The following PLPPR1 variants were observed in gnomAD, a reference collection of about 807,000 sequenced individuals.
The protein encoded by PLPPR1 is phospholipid phosphatase related 1.
A neutral mutation model predicts 33.1 loss-of-function variants in PLPPR1; 10 were observed. That is an observed-to-expected ratio of 0.30 (90% CI 0.19 to 0.51). The LOEUF is 0.51. PLPPR1 is among the 20% of genes least tolerant of loss of function. The probability of loss-of-function intolerance (pLI) is 0.97; values close to 1 mark genes in which losing one functional copy is unlikely to be tolerated. For missense variants in PLPPR1, 304 were observed against 408.1 expected (o/e 0.74, Z 2.20); for synonymous variants, 151 against 151.0 (o/e 1.00, Z 0.00).
At chr9:101,033,669 C>G (rs989627480) in intron 1 of PLPPR1, among the ~76,000 whole-genome samples, 1 of 152,162 alleles carries the variant, frequency 6.6e-6, no homozygotes, top group African/African-American at 2.4e-5. Flanking sequence ...TTCACAGAAA[C>G]AGTCCCAACT....
At chr9:101,056,502 A>G (rs113826054) in intron 1 of PLPPR1, among the ~76,000 whole-genome samples, 248 of 152,322 alleles carry the variant, frequency 1.6e-3, no homozygotes, top group African/African-American at 5.8e-3. Context: ...TTATTATAGC[A>G]TGGGCTAGTA....
At chr9:101,148,722 A>T (rs1831549674) in intron 1 of PLPPR1, among the ~76,000 whole-genome samples, 1 of 151,950 alleles carries the variant, frequency 6.6e-6, no homozygotes, top group African/African-American at 2.4e-5. Flanking sequence ...AAACTCCCAC[A>T]CCTTAGTTTG....
At chr9:101,303,393 C>T (rs530668326) in intron 4 of PLPPR1, among the ~76,000 whole-genome samples, 3 of 152,128 alleles carry the variant, frequency 2.0e-5, no homozygotes, top group African/African-American at 7.2e-5. Context: ...CCTCTGCCTC[C>T]CAGGTTCAAG....
chr9:101,303,312 G>C (rs1056258188), intron 4 of PLPPR1, among the ~76,000 whole-genome samples: 1 of 146,116 alleles, frequency 6.8e-6, no homozygotes, highest in Admixed American at 6.9e-5. Flanking sequence ...GTTTGTTGCT[G>C]TTGTTTGAGA....
chr9:101,052,591 C>CT (rs1024593021), intron 1 of PLPPR1, among the ~76,000 whole-genome samples: 2 of 152,170 alleles, frequency 1.3e-5, no homozygotes, highest in South Asian at 2.1e-4. Flanking sequence ...TCTATGTTGC[C>CT]TTTTTTCATA....
At chr9:101,267,820 C>T (rs1487511816) in intron 2 of PLPPR1, among the ~76,000 whole-genome samples, 1 of 152,156 alleles carries the variant, frequency 6.6e-6, no homozygotes, top group Non-Finnish European at 1.5e-5. Flanking sequence ...CCAATTTCTC[C>T]TCTTTTGATG....
At chr9:101,101,697 C>T (rs908693722) in intron 1 of PLPPR1, among the ~76,000 whole-genome samples, 2 of 152,128 alleles carry the variant, frequency 1.3e-5, no homozygotes, top group African/African-American at 4.8e-5. Flanking sequence ...CCATATGGTT[C>T]AAACCCTTGA....
chr9:101,207,755 G>A (rs537751055), intron 2 of PLPPR1, among the ~76,000 whole-genome samples: 1 of 152,288 alleles, frequency 6.6e-6, no homozygotes, highest in Non-Finnish European at 1.5e-5. Flanking sequence ...AGAGGAAGAA[G>A]AATTCTGTGC....
intron 2 of PLPPR1, among the ~76,000 whole-genome samples, chr9:101,267,710 G>C (rs539972760): frequency 6.6e-6 from 1 of 151,684 alleles, no homozygotes; most frequent in African/African-American, 2.4e-5. Context: ...TTAGAAATTT[G>C]TACTTGAAGC....
intron 2 of PLPPR1, among the ~76,000 whole-genome samples, chr9:101,217,273 A>C (rs921083597): frequency 6.6e-6 from 1 of 152,224 alleles, no homozygotes; most frequent in African/African-American, 2.4e-5. Context: ...TTTTGACATG[A>C]ATGTCATAAT....
intron 2 of PLPPR1, among the ~76,000 whole-genome samples, chr9:101,211,378 A>C (rs1187635397): frequency 6.6e-6 from 1 of 152,224 alleles, no homozygotes; most frequent in Non-Finnish European, 1.5e-5. Flanking sequence ...AAAACAGAGA[A>C]AACATTGTCC....
intron 2 of PLPPR1, among the ~76,000 whole-genome samples, chr9:101,245,601 G>A (rs977478024): frequency 1.1e-4 from 17 of 151,864 alleles, no homozygotes; most frequent in African/African-American, 4.1e-4. Context: ...ATTTTTTCTA[G>A]TGCATATCAA....
intron 1 of PLPPR1, among the ~76,000 whole-genome samples, chr9:101,140,312 A>G (rs928710888): frequency 6.6e-5 from 10 of 152,212 alleles, no homozygotes; most frequent in Admixed American, 6.6e-5. Flanking sequence ...AGTTTTATTC[A>G]TTCAGCAAAT....
intron 2 of PLPPR1, among the ~76,000 whole-genome samples, chr9:101,215,789 G>T: frequency 6.6e-6 from 1 of 151,650 alleles, no homozygotes; most frequent in East Asian, 1.9e-4. Flanking sequence ...ATGTCCTCCA[G>T]TTCCATGCAT....
chr9:101,270,753 T>C (rs890226167), intron 3 of PLPPR1, among the ~76,000 whole-genome samples: 1 of 152,220 alleles, frequency 6.6e-6, no homozygotes, highest in Non-Finnish European at 1.5e-5. Flanking sequence ...TTAGACATTT[T>C]AATTTTTATT....
intron 1 of PLPPR1, among the ~76,000 whole-genome samples, chr9:101,123,998 A>G (rs1831210644): frequency 6.6e-6 from 1 of 152,178 alleles, no homozygotes; most frequent in African/African-American, 2.4e-5. Flanking sequence ...CCCGACACTC[A>G]GCTTTACCCA....
chr9:101,082,165 C>G (rs777988711), intron 1 of PLPPR1, among the ~76,000 whole-genome samples: 2 of 152,118 alleles, frequency 1.3e-5, no homozygotes, highest in Non-Finnish European at 2.9e-5. Context: ...GGTTTGAAAA[C>G]CACCACATGT....
chr9:101,192,945 G>T (rs1826322769), intron 2 of PLPPR1, among the ~76,000 whole-genome samples: 1 of 152,146 alleles, frequency 6.6e-6, no homozygotes, highest in African/African-American at 2.4e-5. Context: ...CAATATTCAA[G>T]TATCTATTTT....
At chr9:101,310,741 A>C (rs1240814576) in intron 5 of PLPPR1, among the ~76,000 whole-genome samples, 1 of 152,258 alleles carries the variant, frequency 6.6e-6, no homozygotes, top group Non-Finnish European at 1.5e-5. Context: ...ATTTAAAACA[A>C]CCAGGAGCAG....
Sources: gnomAD v4.1 joint callset for allele counts (sites outside exome capture counted in the v4.1 genomes callset) on GRCh38, gnomAD v4.1.1 for gene constraint, MANE v1.5 for transcripts, NCBI Gene and HGNC (gene_info 2026-07-23, HGNC 2026-07-21) for gene names.